Variants in RIN3 observed in about 807,000 individuals in gnomAD.
RIN3 encodes Ras and Rab interactor 3.
In RIN3, 54 loss-of-function variants were observed where a neutral mutation model predicts 76.3. The ratio of observed to expected loss-of-function variants is 0.71; its 90% CI spans 0.57 to 0.89. The LOEUF (loss-of-function observed/expected upper bound fraction) is 0.89. Ranked by LOEUF, RIN3 falls within the 40% of genes least tolerant of loss-of-function variation. The pLI, the probability that RIN3 is intolerant of heterozygous loss-of-function variation, is 0.00. For missense variants in RIN3, 1,256 were observed against 1,322.1 expected (o/e 0.95, Z 0.78); for synonymous variants, 576 against 564.0 (o/e 1.02, Z -0.30).
chr14:92,627,053 T>C (rs1015467888), intron 4 of RIN3, among the ~76,000 whole-genome samples: 1 of 152,212 alleles, frequency 6.6e-6, no homozygotes, highest in African/African-American at 2.4e-5. Flanking sequence ...TGCTTTTTCT[T>C]GTGCCTATTC....
intron 3 of RIN3, among the ~76,000 whole-genome samples, chr14:92,601,458 C>T (rs938964417): frequency 2.0e-5 from 3 of 152,172 alleles, no homozygotes; most frequent in African/African-American, 7.2e-5. Flanking sequence ...TCAAAGTTCC[C>T]AAGCTTGCAG....
chr14:92,549,300 C>T (rs181169222), intron 1 of RIN3, among the ~76,000 whole-genome samples: 4 of 152,256 alleles, frequency 2.6e-5, no homozygotes, highest in Non-Finnish European at 5.9e-5. Flanking sequence ...GTGTTCTGGC[C>T]AAGTCTATAC....
At chr14:92,524,834 C>T (rs1243641761) in intron 1 of RIN3, among the ~76,000 whole-genome samples, 6 of 152,232 alleles carry the variant, frequency 3.9e-5, no homozygotes, top group Admixed American at 2.0e-4. Flanking sequence ...AAGGCTTGTG[C>T]AGCACCCAGG....
At position 92,514,217 on chromosome 14, in the gene RIN3, A is replaced by G. The variant is rs1896373846; in HGVS notation, c.44+241A>G. Reference sequence around the variant, plus strand: ...TTCAAGGCCAGGCATTTCACTGGGAACCCAGTGCACACTTTAGGCTGCTGG... The same window carrying G: ...TTCAAGGCCAGGCATTTCACTGGGAGCCCAGTGCACACTTTAGGCTGCTGG... On this transcript the variant is annotated intron_variant, in intron 1 of 9. Transcript: ENST00000216487. This position sits in a 1 kb window ranked among gnomAD's most constrained non-coding sequence, Gnocchi z 7.2. Among the ~76,000 whole-genome samples the G allele has an allele frequency of 6.6e-6, 1 of 151,968 alleles. No homozygotes were observed. Among genetic ancestry groups the G allele is most frequent in the Non-Finnish European group, 1.5e-5 (1 of 67,986 alleles).
chr14:92,645,896 G>A (rs1887180946), intron 5 of RIN3, among the ~76,000 whole-genome samples: 1 of 151,570 alleles, frequency 6.6e-6, no homozygotes, highest in Non-Finnish European at 1.5e-5. Flanking sequence ...AGATTGCAGT[G>A]AGCCAAGATC....
At chr14:92,556,598 G>A (rs1214085779) in intron 2 of RIN3, among the ~76,000 whole-genome samples, 1 of 64,606 alleles carries the variant, frequency 1.5e-5, no homozygotes, top group East Asian at 8.1e-4. Flanking sequence ...ATAGATGGAT[G>A]GACGTATGGA....
At chr14:92,576,109 C>T (rs910420422) in intron 2 of RIN3, 2 of 700,402 alleles carry the variant, frequency 2.9e-6, no homozygotes, top group Admixed American at 7.4e-5. Context: ...CAAGTCCTTC[C>T]CCTATGGAGG....
At chr14:92,680,617 T>C (rs1245384933) in intron 8 of RIN3, among the ~76,000 whole-genome samples, 1 of 152,108 alleles carries the variant, frequency 6.6e-6, no homozygotes, top group Non-Finnish European at 1.5e-5. Flanking sequence ...GATTTCAACA[T>C]AGGATCTGGG....
intron 1 of RIN3, among the ~76,000 whole-genome samples, chr14:92,547,671 C>T (rs978668839): frequency 2.0e-5 from 3 of 151,502 alleles, no homozygotes; most frequent in African/African-American, 7.3e-5. Flanking sequence ...GCTGAGATTG[C>T]AGGTGTGAAT....
chr14:92,576,401 A>G, intron 2 of RIN3: 1 of 1,289,718 alleles, frequency 7.8e-7, no homozygotes, highest in Non-Finnish European at 1.0e-6. Flanking sequence ...TGGTTTCTAG[A>G]GCACAGCTGC....
chr14:92,565,772 G>C (rs1897900615), intron 2 of RIN3, among the ~76,000 whole-genome samples: 1 of 152,164 alleles, frequency 6.6e-6, no homozygotes, highest in Non-Finnish European at 1.5e-5. Context: ...GTTTGGGCCG[G>C]CTTCTTTACC....
chr14:92,630,433 A>G (rs752758627), intron 4 of RIN3, among the ~76,000 whole-genome samples: 3 of 152,226 alleles, frequency 2.0e-5, no homozygotes, highest in Non-Finnish European at 4.4e-5. Flanking sequence ...CAGAGGTTGC[A>G]GTGAATTGAG....
At chr14:92,657,490 C>T (rs1452401105) in intron 6 of RIN3, among the ~76,000 whole-genome samples, 1 of 152,208 alleles carries the variant, frequency 6.6e-6, no homozygotes, top group Non-Finnish European at 1.5e-5. Context: ...GCTGAGGGCC[C>T]CAGACCAGAG....
intron 3 of RIN3, among the ~76,000 whole-genome samples, chr14:92,595,138 G>A (rs1238970072): frequency 6.6e-6 from 1 of 152,212 alleles, no homozygotes; most frequent in East Asian, 1.9e-4. Flanking sequence ...TCCTCAAGGA[G>A]CTCAAATCTA....
intron 3 of RIN3, among the ~76,000 whole-genome samples, chr14:92,595,493 G>A (rs964391103): frequency 2.0e-5 from 3 of 152,176 alleles, no homozygotes; most frequent in African/African-American, 7.2e-5. Flanking sequence ...AAAAGAGAAA[G>A]TTGATTATTA....
At chr14:92,606,192 G>A (rs1296687190) in intron 3 of RIN3, among the ~76,000 whole-genome samples, 1 of 151,376 alleles carries the variant, frequency 6.6e-6, no homozygotes, top group Non-Finnish European at 1.5e-5. Context: ...TACAGAATGG[G>A]AGAAAACATT....
intron 3 of RIN3, among the ~76,000 whole-genome samples, chr14:92,613,858 C>A (rs1885845250): frequency 6.6e-6 from 1 of 152,322 alleles, no homozygotes; most frequent in South Asian, 2.1e-4. Context: ...TGTTTCCTGG[C>A]CCCTCTGGAG....
chr14:92,651,015 C>T (rs1248563473), intron 5 of RIN3: 1 of 152,388 alleles, frequency 6.6e-6, no homozygotes, highest in Non-Finnish European at 1.5e-5. Context: ...GGCCACAATC[C>T]ATAGGTTCGT....
chr14:92,569,045 G>A (rs898984821), intron 2 of RIN3, among the ~76,000 whole-genome samples: 11 of 152,250 alleles, frequency 7.2e-5, no homozygotes, highest in African/African-American at 2.2e-4. Flanking sequence ...ACCTGGCCCA[G>A]TGTGCACACG....
Sources: allele counts gnomAD v4.1 joint callset (sites outside exome capture counted in the v4.1 genomes callset), GRCh38; gene constraint gnomAD v4.1.1; non-coding constraint Gnocchi (gnomAD v3.1); transcripts MANE v1.5; gene names NCBI Gene and HGNC (gene_info 2026-07-23, HGNC 2026-07-21).